Variants in ANKRD33B observed in about 807,000 individuals in gnomAD.
ANKRD33B encodes ankyrin repeat domain-containing protein 33B.
A neutral mutation model predicts 21.5 loss-of-function variants in ANKRD33B; 6 were observed. That is an observed-to-expected ratio of 0.28 (90% CI 0.15 to 0.55). The LOEUF is 0.55. ANKRD33B is among the 20% of genes least tolerant of loss of function. The pLI, the probability that ANKRD33B is intolerant of heterozygous loss-of-function variation, is 0.94. For synonymous variants in ANKRD33B, 347 were observed against 342.4 expected (o/e 1.01, Z -0.15); for missense variants, 698 against 747.2 (o/e 0.93, Z 0.77).
intron 1 of ANKRD33B, among the ~76,000 whole-genome samples, chr5:10,615,965 C>T (rs954317468): frequency 2.6e-4 from 40 of 152,152 alleles, no homozygotes; most frequent in Non-Finnish European, 4.0e-4. Flanking sequence ...TAGAGCCTGC[C>T]TGCAGCCCAC....
At chr5:10,631,869 G>A (rs1462644834) in intron 2 of ANKRD33B, among the ~76,000 whole-genome samples, 1 of 152,200 alleles carries the variant, frequency 6.6e-6, no homozygotes, top group East Asian at 1.9e-4. Flanking sequence ...CAAAGCCATG[G>A]CCAGTGTCTC....
chr5:10,638,901 T>C (rs200675561), intron 3 of ANKRD33B, among the ~76,000 whole-genome samples: 39,494 of 111,750 alleles, frequency 0.35, 8,628 homozygotes, highest in Middle Eastern at 0.51. Flanking sequence ...CGTGGAGTTG[T>C]GTGGTAATGT....
intron 1 of ANKRD33B, among the ~76,000 whole-genome samples, chr5:10,608,356 T>TAAA (rs1218246439): frequency 1.8e-5 from 2 of 108,430 alleles, no homozygotes; most frequent in African/African-American, 6.9e-5. Context: ...AGACTCCATC[T>TAAA]AAAAAAAAAA....
At chr5:10,648,441 C>T (rs571552806) in intron 3 of ANKRD33B, among the ~76,000 whole-genome samples, 4 of 152,332 alleles carry the variant, frequency 2.6e-5, no homozygotes, top group Non-Finnish European at 5.9e-5. Flanking sequence ...TGATGGAAAG[C>T]TATAGGATCT....
At chr5:10,620,121 A>G (rs536234151) in intron 2 of ANKRD33B, among the ~76,000 whole-genome samples, 1 of 152,204 alleles carries the variant, frequency 6.6e-6, no homozygotes, top group Admixed American at 6.5e-5. Context: ...CAGTAGCGTG[A>G]GGCTGCGTGA....
intron 1 of ANKRD33B, among the ~76,000 whole-genome samples, chr5:10,592,384 G>T (rs958159038): frequency 2.0e-5 from 3 of 150,900 alleles, no homozygotes; most frequent in African/African-American, 7.3e-5. Flanking sequence ...AGGCCAGGGC[G>T]GGCGGATCAC....
intron 2 of ANKRD33B, among the ~76,000 whole-genome samples, chr5:10,632,684 A>G (rs1186007217): frequency 3.3e-5 from 5 of 152,188 alleles, no homozygotes. Flanking sequence ...TCCAGGGTGG[A>G]GAGGCCCCAC....
chr5:10,594,676 A>C (rs890267758), intron 1 of ANKRD33B, among the ~76,000 whole-genome samples: 2 of 152,228 alleles, frequency 1.3e-5, no homozygotes, highest in African/African-American at 4.8e-5. Flanking sequence ...TAGGTGGGGT[A>C]AGACATGAAC....
At chr5:10,590,662 G>T (rs964581835) in intron 1 of ANKRD33B, among the ~76,000 whole-genome samples, 8 of 152,118 alleles carry the variant, frequency 5.3e-5, no homozygotes, top group Non-Finnish European at 7.3e-5. Flanking sequence ...TATTTTATGT[G>T]TGGCCCAAGA....
chr5:10,630,197 G>A lies in ANKRD33B; in HGVS notation c.497-7831G>A, dbSNP rs151314266. On this transcript the variant is annotated intron_variant, in intron 2 of 3. Coordinates refer to ENST00000296657, the MANE Select transcript of ANKRD33B (RefSeq NM_001164440.2). ...TTTATTGCTTATGCATCTGTGGATG[G>A]GCTGGGGATCTGTTGATCTAAACTG... Among the ~76,000 whole-genome samples, 625 of 152,286 alleles carry A rather than the reference G, an allele frequency of 4.1e-3. 6 individuals are homozygous for A. Among genetic ancestry groups the A allele is most frequent in the African/African-American group, 0.014 (596 of 41,550 alleles).
In ANKRD33B at chr5:10,647,008, G is replaced by A. The variant is rs560201442; in HGVS notation, c.638-2258G>A. On this transcript the variant is annotated intron_variant, in intron 3 of 3. Transcript: ENST00000296657. ...GGATATAAATGAAGAAGCGTCTGTC[G>A]GGTCCGGTCCCCTTTGAGCTCACAG... Among the ~76,000 whole-genome samples the A allele has an allele frequency of 3.3e-5, 5 of 152,260 alleles. No homozygotes were observed. The East Asian group carries it at 5.8e-4, about 18-fold the overall frequency.
intron 1 of ANKRD33B, among the ~76,000 whole-genome samples, chr5:10,577,231 G>A (rs1735343777): frequency 6.6e-6 from 1 of 152,038 alleles, no homozygotes; most frequent in Admixed American, 6.5e-5. Flanking sequence ...CCGGGCTCAA[G>A]CAGTTCTCCT....
At chr5:10,630,797 CAGG>C (rs1466310884) in intron 2 of ANKRD33B, among the ~76,000 whole-genome samples, 1 of 150,672 alleles carries the variant, frequency 6.6e-6, no homozygotes, top group Admixed American at 6.6e-5. Context: ...GGCTTGAACC[CAGG>C]AGGCTGAGGT....
intron 1 of ANKRD33B, among the ~76,000 whole-genome samples, chr5:10,565,533 G>T (rs1237687153): frequency 6.6e-6 from 1 of 152,256 alleles, no homozygotes; most frequent in African/African-American, 2.4e-5. Flanking sequence ...GAGAGCCCCA[G>T]AGCCGCGGGC....
chr5:10,613,441 C>T (rs1297790508), intron 1 of ANKRD33B, among the ~76,000 whole-genome samples: 6 of 151,948 alleles, frequency 3.9e-5, no homozygotes, highest in African/African-American at 1.2e-4. Context: ...CCTGCCACCA[C>T]GCCCAGCTAA....
At chr5:10,611,541 C>T (rs1390903326) in intron 1 of ANKRD33B, among the ~76,000 whole-genome samples, 2 of 152,142 alleles carry the variant, frequency 1.3e-5, no homozygotes, top group African/African-American at 2.4e-5. Flanking sequence ...AAGCAGTGGG[C>T]TGAAATGGTG....
At chr5:10,633,097 CTTTTT>C (rs1031950496) in intron 2 of ANKRD33B, among the ~76,000 whole-genome samples, 1 of 119,436 alleles carries the variant, frequency 8.4e-6, no homozygotes, top group Admixed American at 8.8e-5. Context: ...CAGTTCTCCT[CTTTTT>C]TTTTTTTTTT....
intron 3 of ANKRD33B, among the ~76,000 whole-genome samples, chr5:10,642,029 C>T (rs1288560102): frequency 2.0e-5 from 3 of 152,176 alleles, no homozygotes; most frequent in Non-Finnish European, 2.9e-5. Flanking sequence ...TATAATTGGG[C>T]GTAGATGTTT....
intron 1 of ANKRD33B, among the ~76,000 whole-genome samples, chr5:10,616,786 C>T (rs58592863): frequency 0.088 from 13,443 of 152,256 alleles, 1,983 homozygotes; most frequent in African/African-American, 0.31. Context: ...ACGCTGTTTT[C>T]CTTTGTTACG....
Sources: allele counts gnomAD v4.1 joint callset (sites outside exome capture counted in the v4.1 genomes callset), GRCh38; gene constraint gnomAD v4.1.1; transcripts MANE v1.5; gene names NCBI Gene and HGNC (gene_info 2026-07-23, HGNC 2026-07-21).